KIF19: variants seen among roughly 807,000 people sequenced by gnomAD.
KIF19 encodes the protein kinesin family member 19.
Under a neutral mutation model 106.6 loss-of-function variants are expected in KIF19, and 98 were observed. The ratio of observed to expected loss-of-function variants is 0.92; its 90% CI spans 0.78 to 1.09. The LOEUF is 1.09. Among genes scored for constraint, KIF19 ranks in the 50% least tolerant of loss-of-function variants. The probability of loss-of-function intolerance (pLI) is 0.00; values close to 1 mark genes in which losing one functional copy is unlikely to be tolerated. For missense variants in KIF19, 1,373 were observed against 1,414.3 expected (o/e 0.97, Z 0.47); for synonymous variants, 516 against 584.2 (o/e 0.88, Z 1.68).
rs878895606 is a variant in KIF19, at chr17:74,343,150, C to G, written c.446C>G (p.Ser149Cys). 8 of 1,612,462 alleles carry G rather than the reference C, an allele frequency of 5.0e-6. No individual in the cohort carries two copies. Among genetic ancestry groups the G allele is most frequent in the South Asian group, 4.4e-5 (4 of 91,050 alleles). Residue 149 changes from serine (S) to cysteine (C), a missense_variant, in exon 5 of 20, where the codon TCC (serine) becomes TGC (cysteine). Around this residue, in one of 3 missense-constraint regions of KIF19, gnomAD observed 348 missense variants for 389.5 expected, o/e 0.89. Coordinates refer to ENST00000389916, the MANE Select transcript of KIF19 (RefSeq NM_153209.4). ...SNDMEYEVSM[S>C]YLEIYNEMIR... is the part of the protein sequence containing the mutation. Reference sequence around the variant, plus strand: ...GACATGGAGTATGAGGTCTCCATGTCCTACCTGGAGGTGAGTCCCCCAGCC... The same window carrying G: ...GACATGGAGTATGAGGTCTCCATGTGCTACCTGGAGGTGAGTCCCCCAGCC...
chr17:74,347,405 C>T (rs113388374), intron 8 of KIF19, among the ~76,000 whole-genome samples: 2 of 152,154 alleles, frequency 1.3e-5, no homozygotes, highest in African/African-American at 4.8e-5. Flanking sequence ...GGCATGGTGG[C>T]AGACGCCTAT....
intron 2 of KIF19, among the ~76,000 whole-genome samples, chr17:74,334,020 T>G (rs2054162813): frequency 6.6e-6 from 1 of 152,040 alleles, no homozygotes; most frequent in Admixed American, 6.6e-5. Context: ...AGGTGTGGTC[T>G]GGCTATCTTG....
At chr17:74,341,260 G>C (rs991810287) in intron 2 of KIF19, among the ~76,000 whole-genome samples, 8 of 151,974 alleles carry the variant, frequency 5.3e-5, no homozygotes, top group African/African-American at 1.9e-4. Context: ...GGAGGTTGCA[G>C]TGAGCCGAGA....
chr17:74,338,177 AC>A (rs2054268303), intron 2 of KIF19, among the ~76,000 whole-genome samples: 1 of 152,218 alleles, frequency 6.6e-6, no homozygotes, highest in Admixed American at 6.5e-5. Context: ...TCCTCAGGCC[AC>A]TGGTCCTCCC....
chr17:74,333,041 G>A (rs1281855694), intron 2 of KIF19, among the ~76,000 whole-genome samples: 1 of 152,230 alleles, frequency 6.6e-6, no homozygotes, highest in Non-Finnish European at 1.5e-5. Flanking sequence ...AAAGTATAAG[G>A]TGACAGATGT....
rs528822719 is a variant in KIF19 at position 74,342,525 on chromosome 17, C to A, written c.232-105C>A. On this transcript the variant is annotated intron_variant, in intron 3 of 19. Coordinates refer to ENST00000389916, the MANE Select transcript of KIF19 (RefSeq NM_153209.4). ...ACCCCCACTTATCTTGGGGCTGGGG[C>A]TCCAGGGACAGAAACCTCTCCTATC... The A allele has an allele frequency of 4.9e-6, 4 of 819,348 alleles. No individual in the cohort carries two copies. The South Asian group carries it at 6.0e-5, about 12-fold the overall frequency. The allele number at this position is 819,348 out of a possible 1,614,324, so 50.8% of individuals were successfully genotyped here.
chr17:74,342,339 G>A lies in KIF19; in HGVS notation c.232-291G>A, dbSNP rs73362563. ...CACCCTCCTCGAGGACCCCCATCTCGCCCATCTGTGGGATGCTCCCAGGAA... is the reference window on the plus strand; with the variant it reads ...CACCCTCCTCGAGGACCCCCATCTCACCCATCTGTGGGATGCTCCCAGGAA... On this transcript the variant is annotated intron_variant, in intron 3 of 19. Transcript: ENST00000389916. Among the ~76,000 whole-genome samples, 1,077 of 152,274 alleles carry A rather than the reference G, an allele frequency of 7.1e-3. 13 individuals are homozygous for A. Among genetic ancestry groups the A allele is most frequent in the African/African-American group, 0.025 (1,031 of 41,578 alleles).
In KIF19 at chr17:74,331,766, A is replaced by G. The variant is rs2054088231; in HGVS notation, c.120+3261A>G. ...TAATTTTTGTAATTTTAGTAGAGACAGGGTTTTGCTATGGTGGCCAGGCTG... is the reference window on the plus strand; with the variant it reads ...TAATTTTTGTAATTTTAGTAGAGACGGGGTTTTGCTATGGTGGCCAGGCTG... On this transcript the variant is annotated intron_variant, in intron 2 of 19. Transcript: ENST00000389916. This position sits in a 1 kb window ranked among gnomAD's most constrained non-coding sequence, Gnocchi z 4.1. Among the ~76,000 whole-genome samples, 1 of 151,910 alleles carries G rather than the reference A, an allele frequency of 6.6e-6. No individual in the cohort carries two copies. The highest frequency in any genetic ancestry group is 2.1e-4 in the South Asian group (1 of 4,814).
rs377150875 is a variant in KIF19, at chr17:74,341,931, G to T, written c.176G>T (p.Arg59Leu). ...CCCGACGACATCCTGCGGGCGCATC[G>T]CTCCCGGGAGAAGTCCTACCTGTTC... is the stretch of plus-strand genomic sequence containing the variant. ...EDPDDILRAH[R>L]SREKSYLFDV... Residue 59 changes from arginine (R) to leucine (L), a missense_variant, in exon 3 of 20, where the codon CGC (arginine) becomes CTC (leucine). Coordinates refer to ENST00000389916, the MANE Select transcript of KIF19 (RefSeq NM_153209.4). 13 of 1,613,248 alleles carry T rather than the reference G, an allele frequency of 8.1e-6. No individual in the cohort carries two copies. The African/African-American group carries it at 1.5e-4, about 18-fold the overall frequency.
chr17:74,338,017 A>T (rs2054264487), intron 2 of KIF19, among the ~76,000 whole-genome samples: 1 of 152,242 alleles, frequency 6.6e-6, no homozygotes, highest in Non-Finnish European at 1.5e-5. Context: ...ACAGTGTACT[A>T]CAGGAGCCTG....
rs2054799150 is a variant in KIF19 at position 74,354,014 on chromosome 17, G to A, written c.2309-148G>A. On this transcript the variant is annotated intron_variant, in intron 17 of 19. Transcript: ENST00000389916. ...GCAGATGAAAGTGAGGCTCGGAAAT[G>A]GGCCCAAGTTTCTTACATAGCAAAC... is the stretch of plus-strand genomic sequence containing the variant. 6 of 839,542 alleles carry A rather than the reference G, an allele frequency of 7.1e-6. No individual in the cohort carries two copies. The South Asian group carries it at 1.0e-4, about 15-fold the overall frequency. 52.0% of individuals were successfully genotyped at this position (839,542 alleles called of 1,614,324 possible).
At position 74,347,766 on chromosome 17, in the gene KIF19, C is replaced by A; in HGVS notation, c.925-11C>A. 6.3e-7 allele frequency: 1 copy of A among 1,587,506 alleles called. No individual in the cohort carries two copies. The highest frequency in any genetic ancestry group is 2.3e-5 in the East Asian group (1 of 43,282). On this transcript the variant is annotated splice_polypyrimidine_tract_variant and intron_variant, in intron 8 of 19. Transcript: ENST00000389916. ...GGCAGTCCCCACTGACCACAGCCAC[C>A]TCCCATCCAGGACTCTCTGGGAGGA...
At chr17:74,354,970 G>T in intron 19 of KIF19, 29 bp downstream of exon 19, 1 of 1,572,564 alleles carries the variant, frequency 6.4e-7, no homozygotes, top group South Asian at 1.2e-5. Context: ...GGGATGGGGA[G>T]GGGAGGCCTC....
chr17:74,332,120 C>A (rs1040346656), intron 2 of KIF19, among the ~76,000 whole-genome samples: 1 of 151,852 alleles, frequency 6.6e-6, no homozygotes, highest in Admixed American at 6.6e-5. Flanking sequence ...GGCCCTTGAG[C>A]CTTCCTGCTC....
In KIF19 at chr17:74,350,558, C is replaced by A; in HGVS notation, c.1371C>A (p.His457Gln). ...AGGTCCAGATTGACACCTCCCGACACCTGCTCACCATCGCCGGGTAAGCCC... is the reference window on the plus strand; with the variant it reads ...AGGTCCAGATTGACACCTCCCGACAACTGCTCACCATCGCCGGGTAAGCCC... ...AMEVQIDTSR[H>Q]LLTIAGWKHE... Residue 457 changes from histidine to glutamine, a missense_variant, in exon 11 of 20, where the codon CAC becomes CAA. By Grantham distance (24) the His-to-Gln change is conservative. Around this residue, in one of 3 missense-constraint regions of KIF19, gnomAD observed 1,020 missense variants for 1,008.2 expected, o/e 1.01. Transcript: ENST00000389916. 2 of 1,612,976 alleles carry A rather than the reference C, an allele frequency of 1.2e-6. No homozygotes were observed. The highest frequency in any genetic ancestry group is 1.7e-6 in the Non-Finnish European group (2 of 1,179,838).
chr17:74,340,767 G>A (rs1017789745), intron 2 of KIF19, among the ~76,000 whole-genome samples: 68 of 152,348 alleles, frequency 4.5e-4, no homozygotes, highest in African/African-American at 1.6e-3. Flanking sequence ...AGATCCCCAA[G>A]CCCAGCGTGC....
chr17:74,341,934 C>T lies in KIF19; in HGVS notation c.179C>T (p.Ser60Phe). 1 of 1,613,496 alleles carries T rather than the reference C, an allele frequency of 6.2e-7. No individual in the cohort carries two copies. The highest frequency in any genetic ancestry group is 1.7e-4 in the Middle Eastern group (1 of 6,060). The change falls in exon 3 of 20, where the codon TCC becomes TTC. Residue 60 changes from serine (S) to phenylalanine (F), a missense_variant. Around this residue, in one of 3 missense-constraint regions of KIF19, gnomAD observed 348 missense variants for 389.5 expected, o/e 0.89. Transcript: ENST00000389916. ...GACGACATCCTGCGGGCGCATCGCTCCCGGGAGAAGTCCTACCTGTTCGAC... is the reference window on the plus strand; with the variant it reads ...GACGACATCCTGCGGGCGCATCGCTTCCGGGAGAAGTCCTACCTGTTCGAC... ...DPDDILRAHR[S>F]REKSYLFDVA... is the part of the protein sequence containing the mutation.
chr17:74,326,704 G>C (rs2053920511), intron 1 of KIF19, among the ~76,000 whole-genome samples: 1 of 152,088 alleles, frequency 6.6e-6, no homozygotes, highest in Admixed American at 6.5e-5. Flanking sequence ...AGAAACGCCA[G>C]GGGCAGGGAG....
At chr17:74,327,610 T>C (rs2053948642) in intron 1 of KIF19, among the ~76,000 whole-genome samples, 1 of 152,220 alleles carries the variant, frequency 6.6e-6, no homozygotes, top group Non-Finnish European at 1.5e-5. Context: ...GTAGCTGGGA[T>C]AACAGGCATG....
Sources: gnomAD v4.1 joint callset for allele counts (sites outside exome capture counted in the v4.1 genomes callset) on GRCh38, gnomAD v4.1.1 for gene constraint, gnomAD v4.1.1 regional missense constraint, Gnocchi (gnomAD v3.1) non-coding constraint, MANE v1.5 for transcripts, NCBI Gene and HGNC (gene_info 2026-07-23, HGNC 2026-07-21) for gene names.